Variants in COL5A3 observed in about 807,000 individuals in gnomAD.
COL5A3 encodes the protein collagen alpha-3(V) chain.
Under a neutral mutation model 250.0 loss-of-function variants are expected in COL5A3, and 172 were observed. That is an observed-to-expected ratio of 0.69 (90% CI 0.61 to 0.78). The LOEUF (loss-of-function observed/expected upper bound fraction) is 0.78, where lower values mean the gene tolerates loss of function less well. Ranked by LOEUF, COL5A3 falls within the 30% of genes least tolerant of loss-of-function variation. The pLI is 0.00. For synonymous variants in COL5A3, 937 were observed against 900.4 expected (o/e 1.04, Z -0.73); for missense variants, 2,340 against 2,334.4 (o/e 1.00, Z -0.05).
intron 32 of COL5A3, among the ~76,000 whole-genome samples, chr19:9,981,474 C>T (rs2087008195): frequency 6.6e-6 from 1 of 152,182 alleles, no homozygotes; most frequent in African/African-American, 2.4e-5. Flanking sequence ...ACACAGAACT[C>T]ATCATGCAAT....
chr19:10,001,744 T>A (rs1048255841), intron 7 of COL5A3, 24 bp downstream of exon 7: 1 of 1,611,768 alleles, frequency 6.2e-7, no homozygotes, highest in Non-Finnish European at 8.5e-7. Flanking sequence ...CCTTGGGGTC[T>A]CCCCTCTTCC....
rs1037283823 is a variant in COL5A3, at chr19:10,004,156, G to T, written c.595-11C>A. The T allele has an allele frequency of 6.2e-7, 1 of 1,606,258 alleles. No individual in the cohort carries two copies. The highest frequency in any genetic ancestry group is 2.2e-5 in the East Asian group (1 of 44,828). On this transcript the variant is annotated splice_polypyrimidine_tract_variant and intron_variant, in intron 4 of 66. Coordinates refer to ENST00000264828, the MANE Select transcript of COL5A3 (RefSeq NM_015719.4). ...CTCCTGAATGTCTCCCTGGGGGTTGGGGGTGTAGGAGTCAAGGAGGGCAGC... is the reference window on the plus strand; with the variant it reads ...CTCCTGAATGTCTCCCTGGGGGTTGTGGGTGTAGGAGTCAAGGAGGGCAGC...
chr19:9,974,482 G>T, intron 45 of COL5A3, 74 bp from the exon 46 acceptor site: 1 of 1,153,914 alleles, frequency 8.7e-7, no homozygotes, highest in Non-Finnish European at 1.2e-6. Flanking sequence ...CAAGGGTCAA[G>T]ACTGAGGTTA....
intron 4 of COL5A3, among the ~76,000 whole-genome samples, chr19:10,005,216 G>C (rs916816997): frequency 6.6e-6 from 1 of 152,106 alleles, no homozygotes; most frequent in East Asian, 1.9e-4. Flanking sequence ...AATTAGCTGG[G>C]CGTGGTGGCA....
chr19:9,973,209 A>ATGGT (rs1274557130), intron 50 of COL5A3, among the ~76,000 whole-genome samples, 183 bp from the exon 51 acceptor site: 2 of 152,278 alleles, frequency 1.3e-5, no homozygotes, highest in East Asian at 1.9e-4. Context: ...AAAGGTCTGG[A>ATGGT]TGGTCTAGGT....
intron 31 of COL5A3, among the ~76,000 whole-genome samples, chr19:9,983,376 T>C (rs8109675): frequency 0.29 from 43,508 of 151,376 alleles, 7,132 homozygotes; most frequent in African/African-American, 0.44. Context: ...GCGCACCTGT[T>C]GTTCCCAGCT....
chr19:9,965,169 T>TC (rs1432068496), intron 64 of COL5A3, among the ~76,000 whole-genome samples: 1 of 146,994 alleles, frequency 6.8e-6, no homozygotes, highest in Non-Finnish European at 1.5e-5. Context: ...TTTTTTTTTT[T>TC]TTTGAGATGG....
At chr19:9,983,671 GAAAAAAGAAGA>G (rs1024212052) in intron 31 of COL5A3, among the ~76,000 whole-genome samples, 3 of 126,974 alleles carry the variant, frequency 2.4e-5, no homozygotes, top group African/African-American at 9.2e-5. Flanking sequence ...AAGAAAGAAA[GAAAAAAGAAGA>G]AAGAAAGAAG....
At chr19:10,005,082 C>T (rs946001513) in intron 4 of COL5A3, among the ~76,000 whole-genome samples, 18 of 152,090 alleles carry the variant, frequency 1.2e-4, no homozygotes, top group African/African-American at 3.4e-4. Flanking sequence ...CTTGGCCAGG[C>T]GCGGTGGCTC....
Position 9,968,347 on chromosome 19 carries a change from T to C in COL5A3, c.4314+38A>G. 7.3e-7 allele frequency: 1 copy of C among 1,372,298 alleles called. No individual in the cohort carries two copies. Among genetic ancestry groups the C allele is most frequent in the Non-Finnish European group, 1.0e-6 (1 of 973,660 alleles). The allele number at this position is 1,372,298 out of a possible 1,614,324, so 85.0% of individuals were successfully genotyped here. A position where few individuals can be genotyped will look rare whatever the true frequency, so the allele number is the denominator to read the frequency against. On this transcript the variant is annotated intron_variant, in intron 59 of 66. Coordinates refer to ENST00000264828, the MANE Select transcript of COL5A3 (RefSeq NM_015719.4). The surrounding 1 kb of genome is among the most constrained non-coding windows in gnomAD (Gnocchi z 4.1). ...CACAGTCTCTCAACCGACCCCCTCC[T>C]TCAAATGCATTCTTCCCGCTCAGGT...
intron 1 of COL5A3, 113 bp downstream of exon 1, chr19:10,010,185 C>T: frequency 1.3e-6 from 1 of 773,568 alleles, no homozygotes; most frequent in Non-Finnish European, 1.8e-6. Flanking sequence ...CGGGGCCGCA[C>T]GCGGCGCCCA....
intron 10 of COL5A3, among the ~76,000 whole-genome samples, chr19:9,997,662 C>T (rs962223459): frequency 2.0e-5 from 3 of 152,016 alleles, no homozygotes; most frequent in African/African-American, 4.8e-5. Flanking sequence ...AGTGCAGTGG[C>T]GTGATCATAG....
intron 54 of COL5A3, 57 bp from the exon 55 acceptor site, chr19:9,969,979 G>A: frequency 6.7e-7 from 1 of 1,487,362 alleles, no homozygotes; most frequent in Non-Finnish European, 9.4e-7. Context: ...TCAGAGGGGT[G>A]AGTGGGGTCT....
At chr19:9,976,458 T>C in intron 45 of COL5A3, 100 bp downstream of exon 45, 1 of 875,170 alleles carries the variant, frequency 1.1e-6, no homozygotes, top group East Asian at 3.0e-5. Context: ...AGGGTTGGGT[T>C]TGAGGTTTGG....
At position 9,971,015 on chromosome 19, in the gene COL5A3, G is replaced by T; in HGVS notation, c.3842C>A (p.Ser1281Tyr). The change falls in exon 53 of 67, where the codon TCC becomes TAC. Residue 1281 changes from serine to tyrosine, a missense_variant. Coordinates refer to ENST00000264828, the MANE Select transcript of COL5A3 (RefSeq NM_015719.4). Reference sequence around the variant, plus strand: ...ACCAGGGTCTCCCTTCTCCCCTGGGGAACCATCTATGCCCTGCATGGGGGG... The same window carrying T: ...ACCAGGGTCTCCCTTCTCCCCTGGGTAACCATCTATGCCCTGCATGGGGGG... ...GDPGVSGIDG[S>Y]PGEKGDPGDV... 1 of 1,546,626 alleles carries T rather than the reference G, an allele frequency of 6.5e-7. No homozygotes were observed. The highest frequency in any genetic ancestry group is 8.7e-7 in the Non-Finnish European group (1 of 1,152,284).
intron 31 of COL5A3, among the ~76,000 whole-genome samples, chr19:9,983,846 G>A (rs1228281426): frequency 7.5e-6 from 1 of 133,668 alleles, no homozygotes. Context: ...TTTCTCAATC[G>A]TTAAAAAGAA....
chr19:9,991,909 CT>C, intron 22 of COL5A3, 68 bp from the exon 23 acceptor site: 2 of 1,577,532 alleles, frequency 1.3e-6, no homozygotes, highest in Non-Finnish European at 1.7e-6. Context: ...GTGAAATTGA[CT>C]TGGGGGGGGT....
intron 50 of COL5A3, 44 bp from the exon 51 acceptor site, chr19:9,973,070 A>G (rs1164633169): frequency 6.6e-7 from 1 of 1,518,406 alleles, no homozygotes; most frequent in Non-Finnish European, 9.0e-7. Context: ...TGGACTCTCC[A>G]GGGATCAAGG....
chr19:9,961,794 G>A (rs985604217), intron 65 of COL5A3, among the ~76,000 whole-genome samples: 11 of 152,024 alleles, frequency 7.2e-5, no homozygotes, highest in South Asian at 4.2e-4. Context: ...TCCTGACCTC[G>A]TGATCCGCCC....
Sources: gnomAD v4.1 joint callset for allele counts (sites outside exome capture counted in the v4.1 genomes callset) on GRCh38, gnomAD v4.1.1 for gene constraint, Gnocchi (gnomAD v3.1) non-coding constraint, MANE v1.5 for transcripts, NCBI Gene and HGNC (gene_info 2026-07-23, HGNC 2026-07-21) for gene names.